Variants in CNTN1 observed in about 807,000 individuals in gnomAD.
CNTN1 encodes contactin-1.
A neutral mutation model predicts 126.4 loss-of-function variants in CNTN1; 38 were observed. That is an observed-to-expected ratio of 0.30 (90% CI 0.23 to 0.39). The LOEUF (loss-of-function observed/expected upper bound fraction) is 0.39. Ranked by LOEUF, CNTN1 falls within the 10% of genes least tolerant of loss-of-function variation. CNTN1 has a pLI of 1.00. For synonymous variants in CNTN1, 413 were observed against 422.6 expected, an observed-to-expected ratio of 0.98 and a Z score of 0.28; for missense variants, 1,009 against 1,248.4, an observed-to-expected ratio of 0.81 and a Z score of 2.89.
intron 1 of CNTN1, among the ~76,000 whole-genome samples, chr12:40,791,401 A>C (rs573232281): frequency 6.6e-6 from 1 of 152,210 alleles, no homozygotes; most frequent in African/African-American, 2.4e-5. Context: ...CAAATTTACC[A>C]CTTGAATTGT....
Position 40,929,777 on chromosome 12 carries a change from A to G in CNTN1, c.497-19A>G. 1.3e-6 allele frequency: 2 copies of G among 1,580,144 alleles called. No homozygotes were observed. Among genetic ancestry groups the G allele is most frequent in the Non-Finnish European group, 1.7e-6 (2 of 1,150,472 alleles). Reference sequence around the variant, plus strand: ...TTGGGAGAAGCACTTAATATTTAGAAGGCAATATTTTCTCCTAGATGATCT... The same window carrying G: ...TTGGGAGAAGCACTTAATATTTAGAGGGCAATATTTTCTCCTAGATGATCT... On this transcript the variant is annotated intron_variant, in intron 6 of 23. Coordinates refer to ENST00000551295, the MANE Select transcript of CNTN1 (RefSeq NM_001843.4).
intron 15 of CNTN1, among the ~76,000 whole-genome samples, chr12:40,970,654 T>C (rs536624885): frequency 5.3e-5 from 8 of 152,184 alleles, no homozygotes; most frequent in Non-Finnish European, 1.0e-4. Flanking sequence ...ACACATACTG[T>C]TGTTAAATGA....
At chr12:40,787,946 T>C (rs1332900358) in intron 1 of CNTN1, among the ~76,000 whole-genome samples, 1 of 152,158 alleles carries the variant, frequency 6.6e-6, no homozygotes, top group South Asian at 2.1e-4. Context: ...CAGAATTGGT[T>C]TGAACCCTGG....
intron 1 of CNTN1, among the ~76,000 whole-genome samples, chr12:40,904,178 A>G (rs577593201): frequency 6.7e-6 from 1 of 150,176 alleles, no homozygotes; most frequent in Non-Finnish European, 1.5e-5. Context: ...GCCACCACGC[A>G]CAGCTAATTT....
intron 1 of CNTN1, among the ~76,000 whole-genome samples, chr12:40,755,558 A>C (rs1269488570): frequency 2.6e-5 from 4 of 152,022 alleles, no homozygotes; most frequent in African/African-American, 9.6e-5. Flanking sequence ...CAAAATATTT[A>C]ATTAAAAAAA....
intron 1 of CNTN1, among the ~76,000 whole-genome samples, chr12:40,710,939 T>C (rs920925999): frequency 1.3e-5 from 2 of 152,110 alleles, no homozygotes; most frequent in African/African-American, 4.8e-5. Flanking sequence ...GAATTTTAAA[T>C]TCAGCCTTTT....
At chr12:41,033,272 A>G (rs979583243) in intron 23 of CNTN1, among the ~76,000 whole-genome samples, 1 of 152,184 alleles carries the variant, frequency 6.6e-6, no homozygotes, top group African/African-American at 2.4e-5. Context: ...TATCTCTAAT[A>G]ATTCTATATT....
chr12:40,950,097 GGT>G (rs59713493), intron 14 of CNTN1, among the ~76,000 whole-genome samples: 5,086 of 145,140 alleles, frequency 0.035, 72 homozygotes, highest in East Asian at 0.05. Flanking sequence ...GTGTTGAGAG[GGT>G]GTGTGTGTGT....
At chr12:40,985,787 C>T (rs1212800071) in intron 16 of CNTN1, among the ~76,000 whole-genome samples, 3 of 152,032 alleles carry the variant, frequency 2.0e-5, no homozygotes, top group Non-Finnish European at 4.4e-5. Flanking sequence ...TCTACTCTCT[C>T]TTCTTGGTTT....
chr12:40,807,556 T>C (rs1940906686), intron 1 of CNTN1, among the ~76,000 whole-genome samples: 1 of 152,182 alleles, frequency 6.6e-6, no homozygotes, highest in Admixed American at 6.6e-5. Context: ...TCTGGAATAG[T>C]ACTGCAAGTG....
intron 20 of CNTN1, among the ~76,000 whole-genome samples, chr12:41,021,529 G>C (rs1364548251): frequency 6.6e-6 from 1 of 151,602 alleles, no homozygotes; most frequent in Admixed American, 6.6e-5. Context: ...AATGAAGTAT[G>C]ATTAAATAAA....
chr12:40,906,868 G>A (rs1389558255), intron 1 of CNTN1, among the ~76,000 whole-genome samples: 1 of 151,560 alleles, frequency 6.6e-6, no homozygotes, highest in East Asian at 1.9e-4. Flanking sequence ...GTAGAGATGG[G>A]GGTTTCACCA....
chr12:40,997,058 G>A (rs775564878), intron 17 of CNTN1, among the ~76,000 whole-genome samples: 5 of 152,122 alleles, frequency 3.3e-5, no homozygotes, highest in African/African-American at 4.8e-5. Flanking sequence ...AGATCTCAGC[G>A]CACACTTGGG....
chr12:40,823,214 A>G (rs934738321), intron 1 of CNTN1, among the ~76,000 whole-genome samples: 1 of 152,146 alleles, frequency 6.6e-6, no homozygotes, highest in African/African-American at 2.4e-5. Flanking sequence ...TACTTTTTAT[A>G]TAACAGGGAC....
At chr12:40,808,809 A>G (rs1940952634) in intron 1 of CNTN1, among the ~76,000 whole-genome samples, 1 of 152,214 alleles carries the variant, frequency 6.6e-6, no homozygotes, top group South Asian at 2.1e-4. Context: ...AGGTTAGCCA[A>G]TAAAAACAAA....
chr12:40,709,581 A>G (rs937466302), intron 1 of CNTN1, among the ~76,000 whole-genome samples: 2 of 152,220 alleles, frequency 1.3e-5, no homozygotes, highest in Non-Finnish European at 2.9e-5. Context: ...TTTCCAGTAT[A>G]AGGCTGTTTC....
At chr12:40,931,877 G>A (rs949750550) in intron 7 of CNTN1, among the ~76,000 whole-genome samples, 4 of 151,946 alleles carry the variant, frequency 2.6e-5, no homozygotes, top group Admixed American at 1.3e-4. Context: ...GAGAAACATT[G>A]ATCCAAGGAG....
At chr12:40,990,588 G>C (rs1331857567) in intron 16 of CNTN1, among the ~76,000 whole-genome samples, 2 of 152,040 alleles carry the variant, frequency 1.3e-5, no homozygotes, top group Non-Finnish European at 2.9e-5. Context: ...TATTTTTGGT[G>C]GTCAACTATG....
chr12:40,750,875 G>C (rs1296508586), intron 1 of CNTN1, among the ~76,000 whole-genome samples: 2 of 152,028 alleles, frequency 1.3e-5, no homozygotes, highest in Non-Finnish European at 2.9e-5. Flanking sequence ...AGATAGATTT[G>C]GGTATTTATG....
Sources: gnomAD v4.1 joint callset for allele counts (sites outside exome capture counted in the v4.1 genomes callset) on GRCh38, gnomAD v4.1.1 for gene constraint, MANE v1.5 for transcripts, NCBI Gene and HGNC (gene_info 2026-07-23, HGNC 2026-07-21) for gene names.